Variants in MAP2K5 observed in about 807,000 individuals in gnomAD.
The protein encoded by MAP2K5 is dual specificity mitogen-activated protein kinase kinase 5.
MAP2K5 carries 49 observed loss-of-function variants against 83.1 expected under a neutral mutation model. The ratio of observed to expected loss-of-function variants is 0.59; its 90% CI spans 0.47 to 0.75. MAP2K5 has a LOEUF of 0.75. Ranked by LOEUF, MAP2K5 falls within the 30% of genes least tolerant of loss-of-function variation. The pLI is 0.00. For missense variants in MAP2K5, 457 were observed against 557.5 expected (o/e 0.82, Z 1.82); for synonymous variants, 202 against 191.8 (o/e 1.05, Z -0.44).
intron 21 of MAP2K5, among the ~76,000 whole-genome samples, chr15:67,798,846 C>T (rs966902018): frequency 6.6e-6 from 1 of 152,288 alleles, no homozygotes; most frequent in South Asian, 2.1e-4. Context: ...AAGGAACCCC[C>T]ACCCCCAAAT....
chr15:67,737,106 A>G (rs548161161), intron 17 of MAP2K5, among the ~76,000 whole-genome samples: 2 of 152,382 alleles, frequency 1.3e-5, no homozygotes, highest in East Asian at 3.9e-4. Flanking sequence ...CTGTGAGTCT[A>G]AATGGCCGTC....
At chr15:67,548,982 G>C (rs2084452232) in intron 1 of MAP2K5, 1 of 1,400,598 alleles carries the variant, frequency 7.1e-7, no homozygotes, top group Admixed American at 3.0e-5. Flanking sequence ...AGCTTCTAAA[G>C]AATTGCCTTT....
chr15:67,667,392 A>T (rs117500991), intron 13 of MAP2K5, among the ~76,000 whole-genome samples: 337 of 152,290 alleles, frequency 2.2e-3, no homozygotes, highest in South Asian at 3.7e-3. Context: ...TTAAAAGCAC[A>T]TGTACTCATT....
chr15:67,657,305 C>G (rs2087108159), intron 11 of MAP2K5, among the ~76,000 whole-genome samples: 1 of 152,074 alleles, frequency 6.6e-6, no homozygotes, highest in South Asian at 2.1e-4. Context: ...GTTTTCACCT[C>G]CTAGTTTTGA....
intron 7 of MAP2K5, among the ~76,000 whole-genome samples, chr15:67,599,342 A>C (rs1215873334): frequency 3.9e-5 from 6 of 152,170 alleles, no homozygotes; most frequent in Admixed American, 1.3e-4. Flanking sequence ...GTTGTACTAC[A>C]ATTAAATTGG....
In MAP2K5 at chr15:67,543,215, T is replaced by A. The variant is rs1176750595; in HGVS notation, c.-121T>A. 35 of 853,920 alleles carry A rather than the reference T, an allele frequency of 4.1e-5. No individual in the cohort carries two copies. The highest frequency in any genetic ancestry group is 5.6e-5 in the East Asian group (2 of 35,800). 52.9% of individuals were successfully genotyped at this position (853,920 alleles called of 1,614,324 possible). A position where few individuals can be genotyped will look rare whatever the true frequency, so the allele number is the denominator to read the frequency against. On this transcript the variant is annotated 5_prime_UTR_variant, in exon 1 of 22. Transcript: ENST00000178640. The surrounding 1 kb of genome is among the most constrained non-coding windows in gnomAD (Gnocchi z 4.3). ...CCTCTTCCCTCCCCCTCATCCTCCA[T>A]TCCCTTGTTTTCACCCTCTGTCCTC...
At chr15:67,686,333 G>A (rs986954176) in intron 13 of MAP2K5, among the ~76,000 whole-genome samples, 10 of 152,020 alleles carry the variant, frequency 6.6e-5, no homozygotes, top group African/African-American at 1.5e-4. Flanking sequence ...ATGGCCAGGC[G>A]CGATGGCTCA....
intron 17 of MAP2K5, among the ~76,000 whole-genome samples, chr15:67,737,217 G>C (rs1419777875): frequency 1.3e-5 from 2 of 152,186 alleles, no homozygotes; most frequent in Non-Finnish European, 2.9e-5. Flanking sequence ...CCAGGTAATT[G>C]CTGACTGGCT....
At chr15:67,617,320 G>A (rs2086077331) in intron 8 of MAP2K5, among the ~76,000 whole-genome samples, 1 of 152,010 alleles carries the variant, frequency 6.6e-6, no homozygotes, top group Admixed American at 6.5e-5. Flanking sequence ...AATTCTTTCT[G>A]CTCATAATTT....
At chr15:67,713,344 G>C (rs780145140) in intron 16 of MAP2K5, among the ~76,000 whole-genome samples, 2 of 152,134 alleles carry the variant, frequency 1.3e-5, no homozygotes, top group Non-Finnish European at 2.9e-5. Context: ...TGCCAGATAA[G>C]ACTCATTAGA....
In MAP2K5 at chr15:67,724,353, T is replaced by A. The variant is rs1252605768; in HGVS notation, c.1045-3563T>A. Among the ~76,000 whole-genome samples the A allele has an allele frequency of 6.6e-6, 1 of 152,216 alleles. No homozygotes were observed. The highest frequency in any genetic ancestry group is 1.5e-5 in the Non-Finnish European group (1 of 68,040). ...CCCCATAAGGGTCCCATGTTTATTTTGACTTTTGACAGCCTCGTGGAGAAC... is the reference window on the plus strand; with the variant it reads ...CCCCATAAGGGTCCCATGTTTATTTAGACTTTTGACAGCCTCGTGGAGAAC... On this transcript the variant is annotated intron_variant, in intron 16 of 21. Transcript: ENST00000178640. The surrounding 1 kb of genome is among the most constrained non-coding windows in gnomAD (Gnocchi z 4.4).
intron 13 of MAP2K5, among the ~76,000 whole-genome samples, chr15:67,688,933 G>A (rs2088027267): frequency 6.6e-6 from 1 of 152,142 alleles, no homozygotes; most frequent in African/African-American, 2.4e-5. Context: ...ATTTATATTA[G>A]CAAATTTAAT....
chr15:67,616,446 T>G (rs1214235071), intron 8 of MAP2K5, among the ~76,000 whole-genome samples: 1 of 152,174 alleles, frequency 6.6e-6, no homozygotes, highest in African/African-American at 2.4e-5. Context: ...TTTCTTTTCC[T>G]TTGTCTTTTT....
intron 17 of MAP2K5, among the ~76,000 whole-genome samples, chr15:67,737,329 T>C (rs1234154621): frequency 6.6e-6 from 1 of 152,152 alleles, no homozygotes; most frequent in Non-Finnish European, 1.5e-5. Flanking sequence ...CTTATCACCA[T>C]TCAGTATGGA....
intron 4 of MAP2K5, among the ~76,000 whole-genome samples, chr15:67,581,400 T>C (rs1353180738): frequency 6.6e-6 from 1 of 152,194 alleles, no homozygotes; most frequent in African/African-American, 2.4e-5. Flanking sequence ...CCCTTTTAGG[T>C]TTGGCAGTAC....
At chr15:67,570,220 G>T (rs2084924870) in intron 3 of MAP2K5, among the ~76,000 whole-genome samples, 1 of 152,188 alleles carries the variant, frequency 6.6e-6, no homozygotes, top group South Asian at 2.1e-4. Flanking sequence ...AGTCCTTTAT[G>T]GTTTTAACCA....
intron 15 of MAP2K5, among the ~76,000 whole-genome samples, chr15:67,694,913 G>A (rs2088210010): frequency 6.6e-6 from 1 of 152,130 alleles, no homozygotes; most frequent in Admixed American, 6.5e-5. Context: ...TATACACCAT[G>A]GAATACTATG....
At chr15:67,605,463 A>G (rs1252136204) in intron 8 of MAP2K5, among the ~76,000 whole-genome samples, 1 of 152,144 alleles carries the variant, frequency 6.6e-6, no homozygotes, top group African/African-American at 2.4e-5. Context: ...ATTTTCTTCT[A>G]TTCTGTAGTT....
At chr15:67,739,646 A>G (rs528549607) in intron 17 of MAP2K5, among the ~76,000 whole-genome samples, 14 of 150,918 alleles carry the variant, frequency 9.3e-5, no homozygotes, top group Admixed American at 7.2e-4. Context: ...ACACCTGGCT[A>G]ATTTTTGTAT....
Sources: allele counts gnomAD v4.1 joint callset (sites outside exome capture counted in the v4.1 genomes callset), GRCh38; gene constraint gnomAD v4.1.1; non-coding constraint Gnocchi (gnomAD v3.1); transcripts MANE v1.5; gene names NCBI Gene and HGNC (gene_info 2026-07-23, HGNC 2026-07-21).